The following CYP24A1 variants were observed in gnomAD, a reference collection of about 807,000 sequenced individuals.
The protein encoded by CYP24A1 is 1,25-dihydroxyvitamin D(3) 24-hydroxylase, mitochondrial.
Under a neutral mutation model 62.4 loss-of-function variants are expected in CYP24A1, and 68 were observed. The observed-to-expected ratio is 1.09, with a 90% CI of 0.90 to 1.33. CYP24A1 has a LOEUF of 1.33. CYP24A1 is among the 40% of genes most tolerant of loss of function. The pLI is 0.00. For missense variants in CYP24A1, 787 were observed against 653.0 expected, an observed-to-expected ratio of 1.21 and a Z score of -2.24; for synonymous variants, 267 against 253.0, an observed-to-expected ratio of 1.06 and a Z score of -0.52.
At chr20:54,163,637 G>A (rs1390240206) in intron 6 of CYP24A1, among the ~76,000 whole-genome samples, 1 of 152,202 alleles carries the variant, frequency 6.6e-6, no homozygotes, top group Non-Finnish European at 1.5e-5. Context: ...GGTGTGTTGT[G>A]AGGATTAACT....
Position 54,164,576 on chromosome 20 carries a change from C to A in CYP24A1, c.733-13G>T, listed in dbSNP as rs1339935409. 7 of 1,614,128 alleles carry A rather than the reference C, an allele frequency of 4.3e-6. No individual in the cohort carries two copies. The African/African-American group carries it at 9.3e-5, about 22-fold the overall frequency. On this transcript the variant is annotated splice_polypyrimidine_tract_variant and intron_variant, in intron 5 of 11. Transcript: ENST00000216862. ...ACGTGCTCATCATCTGAGAGAAATG[C>A]AAATGCCTTTTTATTCTGAATTCTC...
At chr20:54,166,770 A>G (rs1423396086) in intron 4 of CYP24A1, among the ~76,000 whole-genome samples, 2 of 152,008 alleles carry the variant, frequency 1.3e-5, no homozygotes, top group African/African-American at 2.4e-5. Context: ...GGTGGTTCAC[A>G]CCTGTAATCC....
chr20:54,144,084 G>A, the CYP24A1 span, among the ~76,000 whole-genome samples: 3 of 152,310 alleles, frequency 2.0e-5, no homozygotes, highest in African/African-American at 7.2e-5. Flanking sequence ...TGGCTCCATC[G>A]GTGGGGACCT....
At chr20:54,158,873 G>T (rs977115592) in intron 8 of CYP24A1, 84 bp downstream of exon 8, 11 of 1,606,208 alleles carry the variant, frequency 6.8e-6, no homozygotes, top group African/African-American at 1.3e-5. Context: ...AGGGGAAGCC[G>T]CCCATGAGTA....
intron 11 of CYP24A1, among the ~76,000 whole-genome samples, chr20:54,155,791 T>C (rs2092625901): frequency 6.6e-6 from 1 of 151,714 alleles, no homozygotes; most frequent in Non-Finnish European, 1.5e-5. Context: ...TTTTGATCAC[T>C]TCAATAGTTT....
chr20:54,169,706 G>A lies in CYP24A1; in HGVS notation c.544-18C>T, dbSNP rs200439033. The A allele has an allele frequency of 1.5e-4, 248 of 1,613,598 alleles. No individual in the cohort carries two copies. The African/African-American group carries it at 2.8e-3, about 18-fold the overall frequency. On this transcript the variant is annotated intron_variant, in intron 3 of 11. Coordinates refer to ENST00000216862, the MANE Select transcript of CYP24A1 (RefSeq NM_000782.5). ...GCCAAGACCTTCAAAGAAAACAACC[G>A]CAAAAGACACATTTTAAAGCCGTTG...
At position 54,155,546 on chromosome 20, in the gene CYP24A1, A is replaced by G. The variant is rs191349416; in HGVS notation, c.*11-785T>C. Among the ~76,000 whole-genome samples, 57 of 152,148 alleles carry G rather than the reference A, an allele frequency of 3.7e-4. 1 individual carries two copies. The highest frequency in any genetic ancestry group is 2.4e-3 in the Admixed American group (36 of 15,276). On this transcript the variant is annotated intron_variant, in intron 11 of 11. Coordinates refer to ENST00000216862, the MANE Select transcript of CYP24A1 (RefSeq NM_000782.5). Reference sequence around the variant, plus strand: ...CAGGAGTTCAAGACCAGTCTGGCCAACATAATGAAACCCCATCTCTACTAA... The same window carrying G: ...CAGGAGTTCAAGACCAGTCTGGCCAGCATAATGAAACCCCATCTCTACTAA...
chr20:54,148,528 T>C (rs1197377180), downstream of CYP24A1, among the ~76,000 whole-genome samples: 1 of 152,094 alleles, frequency 6.6e-6, no homozygotes, highest in Non-Finnish European at 1.5e-5. Context: ...AATTAGGACT[T>C]CTTGAAGAAA....
the CYP24A1 span, among the ~76,000 whole-genome samples, chr20:54,147,546 C>G: frequency 6.6e-6 from 1 of 152,160 alleles, no homozygotes; most frequent in East Asian, 1.9e-4. Flanking sequence ...TGTTTTTTCA[C>G]AGAAGCCAGA....
In CYP24A1 at chr20:54,173,164, C is replaced by T. The variant is rs1256126363; in HGVS notation, c.259-65G>A. 3 of 1,565,514 alleles carry T rather than the reference C, an allele frequency of 1.9e-6. No homozygotes were observed. Among genetic ancestry groups the T allele is most frequent in the East Asian group, 2.2e-5 (1 of 44,610 alleles). On this transcript the variant is annotated intron_variant, in intron 1 of 11. Transcript: ENST00000216862. This position sits in a 1 kb window ranked among gnomAD's most constrained non-coding sequence, Gnocchi z 7.2. ...CTCCGCCGTGCCCGAAGCGCTTTCC[C>T]TCCTCCCGCCTCCTTCCTCCTAGGG...
Position 54,157,506 on chromosome 20 carries a change from CG to C in CYP24A1, c.1315del (p.Arg439ValfsTer29). ...FEDSSQFRPE[R>X]WLQEKEKINP... ...AATTTTTTCCTTCTCCTGAAGCCAA[CG>C]TTCAGGTCTAAACTGACTTGAATCT... On this transcript the variant is annotated frameshift_variant, in exon 10 of 12. Coordinates refer to ENST00000216862, the MANE Select transcript of CYP24A1 (RefSeq NM_000782.5). LOFTEE classifies it high-confidence loss of function. 3 of 1,594,302 alleles carry C rather than the reference CG, an allele frequency of 1.9e-6. No individual in the cohort carries two copies. The South Asian group carries it at 3.3e-5, about 18-fold the overall frequency.
chr20:54,163,243 A>G (rs774879372), intron 6 of CYP24A1, among the ~76,000 whole-genome samples: 11 of 152,280 alleles, frequency 7.2e-5, no homozygotes, highest in Non-Finnish European at 7.4e-5. Context: ...GGGAGAAAAA[A>G]GTGTAAAAGA....
At chr20:54,165,645 T>A (rs750466265) in intron 5 of CYP24A1, 97 bp downstream of exon 5, 11 of 797,452 alleles carry the variant, frequency 1.4e-5, no homozygotes, top group Non-Finnish European at 2.5e-5. Flanking sequence ...ATAAAATATG[T>A]GTGTATGCCA....
Position 54,173,539 on chromosome 20 carries a change from A to T in CYP24A1, c.41T>A (p.Phe14Tyr). The change falls in exon 1 of 12, where the codon TTC (phenylalanine) becomes TAC (tyrosine). Residue 14 changes from phenylalanine (F) to tyrosine (Y), a missense_variant. Phe to Tyr is a conservative substitution (Grantham distance 22). Transcript: ENST00000216862. The surrounding 1 kb of genome is among the most constrained non-coding windows in gnomAD (Gnocchi z 7.2). ...CCTCGGACTGCGCAGCTGCTGCAGG[A>T]AGGCGGCAAGCGAGCGGCTCTTGCT... ...PISKSRSLAA[F>Y]LQQLRSPRQP... is the part of the protein sequence containing the mutation. 6.3e-7 allele frequency: 1 copy of T among 1,580,828 alleles called. No individual in the cohort carries two copies. Among genetic ancestry groups the T allele is most frequent in the Non-Finnish European group, 8.6e-7 (1 of 1,166,218 alleles).
rs1320422224 is a variant in CYP24A1 at position 54,173,235 on chromosome 20, C to T, written c.258+87G>A. On this transcript the variant is annotated intron_variant, in intron 1 of 11. Coordinates refer to ENST00000216862, the MANE Select transcript of CYP24A1 (RefSeq NM_000782.5). This position sits in a 1 kb window ranked among gnomAD's most constrained non-coding sequence, Gnocchi z 7.2. ...CAGACGCCGAAGCGCACCATGCGCC[C>T]GAGGCGCGCATGTCGGGGAGGGTTT... 3.3e-6 allele frequency: 5 copies of T among 1,518,486 alleles called. No homozygotes were observed. The highest frequency in any genetic ancestry group is 1.1e-5 in the South Asian group (1 of 87,718). The allele number at this position is 1,518,486 out of a possible 1,614,324, so 94.1% of individuals were successfully genotyped here.
the CYP24A1 span, among the ~76,000 whole-genome samples, chr20:54,144,594 T>C: frequency 1.3e-5 from 2 of 150,568 alleles, no homozygotes; most frequent in Non-Finnish European, 3.0e-5. Context: ...ATATAAATTA[T>C]AATATATGTT....
At chr20:54,162,891 G>C (rs2092658342) in intron 6 of CYP24A1, 29 bp from the exon 7 acceptor site, 1 of 1,470,440 alleles carries the variant, frequency 6.8e-7, no homozygotes, top group Non-Finnish European at 9.5e-7. Flanking sequence ...AAGAGAGGAA[G>C]TCAGCTGAAA....
chr20:54,173,320 A>G lies in CYP24A1; in HGVS notation c.258+2T>C. On this transcript the variant is annotated splice_donor_variant, in intron 1 of 11. Transcript: ENST00000216862. LOFTEE classifies it high-confidence loss of function. The surrounding 1 kb of genome is among the most constrained non-coding windows in gnomAD (Gnocchi z 7.2). ...GAGTCAGGGGCGCGAAAAGGGGTTT[A>G]CCAGGGTGTCGTGCTGTTTCTTGAG... The G allele has an allele frequency of 6.2e-7, 1 of 1,608,248 alleles. No homozygotes were observed. Among genetic ancestry groups the G allele is most frequent in the Non-Finnish European group, 8.5e-7 (1 of 1,176,372 alleles).
Position 54,157,205 on chromosome 20 carries a change from G to A in CYP24A1, c.1519C>T (p.Leu507Phe). The A allele has an allele frequency of 1.2e-6, 2 of 1,608,942 alleles. No homozygotes were observed. Among genetic ancestry groups the A allele is most frequent in the Non-Finnish European group, 1.7e-6 (2 of 1,175,390 alleles). The change falls in exon 11 of 12, where the codon CTC (leucine) becomes TTC (phenylalanine). Residue 507 changes from leucine to phenylalanine, a missense_variant. Physicochemically the swap from Leu to Phe is conservative, Grantham distance 22. Coordinates refer to ENST00000216862, the MANE Select transcript of CYP24A1 (RefSeq NM_000782.5). ...HSGTLVPSRE[L>F]PIAFCQR is the part of the protein sequence containing the mutation. ...TATCGCTGGCAAAACGCGATGGGGAGTTCCCGGCTGGGCACCAGGGTGCCT... is the reference window on the plus strand; with the variant it reads ...TATCGCTGGCAAAACGCGATGGGGAATTCCCGGCTGGGCACCAGGGTGCCT...
Sources: allele counts gnomAD v4.1 joint callset (sites outside exome capture counted in the v4.1 genomes callset), GRCh38; gene constraint gnomAD v4.1.1; non-coding constraint Gnocchi (gnomAD v3.1); transcripts MANE v1.5; gene names NCBI Gene and HGNC (gene_info 2026-07-23, HGNC 2026-07-21).